TMTC4: variants seen among roughly 807,000 people sequenced by gnomAD.
TMTC4 encodes protein O-mannosyl-transferase TMTC4.
A neutral mutation model predicts 86.0 loss-of-function variants in TMTC4; 65 were observed. That is an observed-to-expected ratio of 0.76 (90% CI 0.62 to 0.93). The LOEUF (loss-of-function observed/expected upper bound fraction) is 0.93, where lower values mean the gene tolerates loss of function less well. TMTC4 is among the 40% of genes least tolerant of loss of function. The probability of loss-of-function intolerance (pLI) is 0.00; values close to 1 mark genes in which losing one functional copy is unlikely to be tolerated. For synonymous variants in TMTC4, 379 were observed against 382.5 expected, an observed-to-expected ratio of 0.99 and a Z score of 0.11; for missense variants, 866 against 948.1, an observed-to-expected ratio of 0.91 and a Z score of 1.14.
intron 17 of TMTC4, among the ~76,000 whole-genome samples, chr13:100,606,710 C>T (rs758932886): frequency 1.3e-5 from 2 of 152,158 alleles, no homozygotes; most frequent in Non-Finnish European, 2.9e-5. Flanking sequence ...TTATGCAAGT[C>T]GCCCAGGTCA....
chr13:100,642,466 A>G (rs1883145244), intron 6 of TMTC4, among the ~76,000 whole-genome samples, 155 bp from the exon 7 acceptor site: 1 of 152,188 alleles, frequency 6.6e-6, no homozygotes, highest in South Asian at 2.1e-4. Flanking sequence ...GCAAGAGTGC[A>G]TTAGACAACA....
intron 16 of TMTC4, 142 bp from the exon 17 acceptor site, chr13:100,612,652 AATACAC>A (rs1344741683): frequency 8.1e-6 from 4 of 496,324 alleles, no homozygotes; most frequent in South Asian, 4.5e-5. Context: ...TAGATCATGT[AATACAC>A]ACACACACAC....
chr13:100,625,414 G>T (rs530895727), intron 15 of TMTC4, 121 bp downstream of exon 15: 7 of 1,338,970 alleles, frequency 5.2e-6, no homozygotes, highest in Non-Finnish European at 6.3e-6. Flanking sequence ...AAATGAGATA[G>T]AAACATGTGA....
chr13:100,638,891 C>G (rs987398131), intron 7 of TMTC4: 3 of 152,244 alleles, frequency 2.0e-5, no homozygotes, highest in Non-Finnish European at 2.9e-5. Context: ...CAAATAACTT[C>G]AATTAGCAGT....
chr13:100,646,910 T>C (rs1883827543), intron 6 of TMTC4, among the ~76,000 whole-genome samples: 1 of 152,202 alleles, frequency 6.6e-6, no homozygotes, highest in African/African-American at 2.4e-5. Flanking sequence ...AGCAGATAAG[T>C]ATTGGCAGGC....
At chr13:100,656,320 T>G in intron 6 of TMTC4, 61 bp downstream of exon 6, 1 of 1,461,214 alleles carries the variant, frequency 6.8e-7, no homozygotes, top group Non-Finnish European at 9.5e-7. Flanking sequence ...GTTAAGACAC[T>G]GCTCAACAGG....
intron 6 of TMTC4, among the ~76,000 whole-genome samples, chr13:100,643,317 G>A (rs919868563): frequency 3.9e-5 from 6 of 152,200 alleles, no homozygotes; most frequent in Admixed American, 1.3e-4. Context: ...TGGAACTCCC[G>A]GTCTGAATGC....
intron 15 of TMTC4, among the ~76,000 whole-genome samples, chr13:100,621,956 C>A (rs111963973): frequency 2.6e-5 from 4 of 152,236 alleles, no homozygotes; most frequent in African/African-American, 9.6e-5. Context: ...TTGAAGTCAC[C>A]ACTCGTAACA....
rs1336783269 is a variant in TMTC4 at position 100,674,750 on chromosome 13, G to A, written c.-214C>T. On this transcript the variant is annotated 5_prime_UTR_variant, in exon 1 of 19. Transcript: ENST00000342624. ...GGGCCGCCCCGCGCGTTACCTGCAA[G>A]GAGCCTGAGCCCCGGCCGCATCTCC... 1.0e-6 allele frequency: 1 copy of A among 983,744 alleles called. No homozygotes were observed. Among genetic ancestry groups the A allele is most frequent in the South Asian group, 4.7e-5 (1 of 21,282 alleles). 60.9% of individuals were successfully genotyped at this position (983,744 alleles called of 1,614,324 possible).
intron 15 of TMTC4, among the ~76,000 whole-genome samples, chr13:100,617,020 C>A (rs1878609483): frequency 1.3e-5 from 2 of 152,160 alleles, no homozygotes; most frequent in Non-Finnish European, 2.9e-5. Flanking sequence ...TTAATTAGGT[C>A]CCACTTGCCA....
At chr13:100,612,649 T>C in intron 16 of TMTC4, 139 bp from the exon 17 acceptor site, 1 of 558,596 alleles carries the variant, frequency 1.8e-6, no homozygotes, top group Middle Eastern at 3.4e-4. Flanking sequence ...GTGTAGATCA[T>C]GTAATACACA....
At chr13:100,646,636 C>T (rs1883781225) in intron 6 of TMTC4, among the ~76,000 whole-genome samples, 1 of 152,166 alleles carries the variant, frequency 6.6e-6, no homozygotes, top group African/African-American at 2.4e-5. Flanking sequence ...CCTTGGGCAG[C>T]GATCCTCCAA....
At chr13:100,625,942 T>C (rs1203163961) in intron 13 of TMTC4, 50 bp from the exon 14 acceptor site, 5 of 1,597,512 alleles carry the variant, frequency 3.1e-6, no homozygotes, top group Admixed American at 3.4e-5. Flanking sequence ...CAATAGTAAG[T>C]TTTTACTAAA....
intron 3 of TMTC4, 60 bp downstream of exon 3, chr13:100,668,519 G>C: frequency 6.6e-7 from 1 of 1,515,518 alleles, no homozygotes; most frequent in African/African-American, 1.4e-5. Flanking sequence ...CACATACTTA[G>C]ATGATTACTG....
intron 1 of TMTC4, among the ~76,000 whole-genome samples, chr13:100,672,245 C>T (rs1352122008): frequency 2.0e-5 from 3 of 152,222 alleles, no homozygotes; most frequent in African/African-American, 7.2e-5. Context: ...AGCAGTAGCC[C>T]ATCGGGTGAC....
In TMTC4 at chr13:100,632,053, A is replaced by ACACTCTCTCT. The variant is rs1296569630; in HGVS notation, c.1506+2751_1506+2752insAGAGAGAGTG. Reference sequence around the variant, plus strand: ...CACACACACACACACACACACACACACTCTCTCTCTCTCTCTCTCTCTCTC... The same window carrying ACACTCTCTCT: ...CACACACACACACACACACACACACACACTCTCTCTCTCTCTCTCTCTCTCTCTCTCTCTC... On this transcript the variant is annotated intron_variant, in intron 12 of 18. Coordinates refer to ENST00000342624, the MANE Select transcript of TMTC4 (RefSeq NM_032813.5). Among the ~76,000 whole-genome samples the ACACTCTCTCT allele has an allele frequency of 8.1e-3, 350 of 43,016 alleles. 1 individual carries two copies. Among genetic ancestry groups the ACACTCTCTCT allele is most frequent in the Middle Eastern group, 0.016 (1 of 62 alleles). The allele number at this position is 43,016 out of a possible 152,430, so 28.2% of individuals were successfully genotyped here. A position where few individuals can be genotyped will look rare whatever the true frequency, so the allele number is the denominator to read the frequency against.
intron 17 of TMTC4, among the ~76,000 whole-genome samples, chr13:100,608,665 C>T (rs1877048695): frequency 6.6e-6 from 1 of 152,112 alleles, no homozygotes; most frequent in African/African-American, 2.4e-5. Context: ...TTAAATCAGC[C>T]TTCTAATGGC....
At chr13:100,663,349 A>G (rs1886021938) in intron 4 of TMTC4, among the ~76,000 whole-genome samples, 169 bp from the exon 5 acceptor site, 1 of 152,210 alleles carries the variant, frequency 6.6e-6, no homozygotes, top group South Asian at 2.1e-4. Context: ...TCGAGCTAAG[A>G]AGGTTGTGGA....
intron 12 of TMTC4, 149 bp from the exon 13 acceptor site, chr13:100,626,299 AG>A (rs1379938985): frequency 1.5e-5 from 11 of 753,498 alleles, no homozygotes; most frequent in Non-Finnish European, 2.2e-5. Flanking sequence ...TACAGGGGTT[AG>A]GAGTTGCTTG....
Sources: gnomAD v4.1 joint callset for allele counts (sites outside exome capture counted in the v4.1 genomes callset) on GRCh38, gnomAD v4.1.1 for gene constraint, MANE v1.5 for transcripts, NCBI Gene and HGNC (gene_info 2026-07-23, HGNC 2026-07-21) for gene names.